The following PGBD5 variants were observed in gnomAD, a reference collection of about 807,000 sequenced individuals.
PGBD5 encodes the protein piggyBac transposable element derived 5, also known as piggyBac transposable element-derived protein 5.
A neutral mutation model predicts 47.9 loss-of-function variants in PGBD5; 14 were observed. That is an observed-to-expected ratio of 0.29 (90% CI 0.19 to 0.46). PGBD5 has a LOEUF of 0.46. Ranked by LOEUF, PGBD5 falls within the 20% of genes least tolerant of loss-of-function variation. The pLI is 1.00. For synonymous variants in PGBD5, 316 were observed against 306.3 expected (o/e 1.03, Z -0.33); for missense variants, 635 against 716.0 (o/e 0.89, Z 1.29).
intron 1 of PGBD5, among the ~76,000 whole-genome samples, chr1:230,377,068 A>C (rs1315719685): frequency 6.6e-6 from 1 of 152,232 alleles, no homozygotes; most frequent in African/African-American, 2.4e-5. Context: ...CCTTTGGTGC[A>C]GAGCAGAGGT....
At chr1:230,410,371 C>G (rs1208434832) in intron 1 of PGBD5, among the ~76,000 whole-genome samples, 1 of 152,094 alleles carries the variant, frequency 6.6e-6, no homozygotes, top group Non-Finnish European at 1.5e-5. Flanking sequence ...CCTTACTTCC[C>G]TCAAATAAGA....
At chr1:230,331,157 A>G (rs1294902953) in intron 5 of PGBD5, among the ~76,000 whole-genome samples, 1 of 152,156 alleles carries the variant, frequency 6.6e-6, no homozygotes, top group Non-Finnish European at 1.5e-5. Context: ...TCATGCCTGT[A>G]CACCCAGCAC....
intron 3 of PGBD5, among the ~76,000 whole-genome samples, chr1:230,350,262 G>C (rs1232776662): frequency 6.6e-6 from 1 of 152,202 alleles, no homozygotes; most frequent in Non-Finnish European, 1.5e-5. Context: ...CCACATTCTG[G>C]TGTGTATCTG....
At chr1:230,382,686 A>C (rs1479894537) in intron 1 of PGBD5, among the ~76,000 whole-genome samples, 1 of 152,184 alleles carries the variant, frequency 6.6e-6, no homozygotes, top group East Asian at 1.9e-4. Context: ...AACACGTGCA[A>C]GGTGTTCAGG....
Position 230,425,636 on chromosome 1 carries a change from A to T in PGBD5, c.293T>A (p.Leu98Gln). 1 of 1,220,026 alleles carries T rather than the reference A, an allele frequency of 8.2e-7. No individual in the cohort carries two copies. Among genetic ancestry groups the T allele is most frequent in the Non-Finnish European group, 1.0e-6 (1 of 980,666 alleles). The allele number at this position is 1,220,026 out of a possible 1,614,324, so 75.6% of individuals were successfully genotyped here. ...GAAGCGCGGGGGCGGGCGGTCCCGC[A>T]GCGCTGCGCTCCAGCCCGCGCCGGC... The part of the protein sequence containing the change: ...DEAGAGWSAA[L>Q]RDRPPPRFED... The change falls in exon 1 of 7, where the codon CTG (leucine) becomes CAG (glutamine). Residue 98 changes from leucine (L) to glutamine (Q), a missense_variant. By Grantham distance (113) the Leu-to-Gln change is moderately radical. Transcript: ENST00000391860. This position sits in a 1 kb window ranked among gnomAD's most constrained non-coding sequence, Gnocchi z 4.7.
At chr1:230,366,595 C>T (rs1667837561) in intron 1 of PGBD5, among the ~76,000 whole-genome samples, 2 of 152,192 alleles carry the variant, frequency 1.3e-5, no homozygotes, top group South Asian at 4.1e-4. Flanking sequence ...CAGGCTCCAA[C>T]TCCTGGATTC....
chr1:230,334,529 TGG>T (rs142967470), intron 4 of PGBD5, among the ~76,000 whole-genome samples: 1 of 152,340 alleles, frequency 6.6e-6, no homozygotes, highest in East Asian at 1.9e-4. Flanking sequence ...ATGGTCTGTG[TGG>T]CCCTAGGAGG....
At chr1:230,409,412 G>C (rs1015207795) in intron 1 of PGBD5, among the ~76,000 whole-genome samples, 4 of 152,232 alleles carry the variant, frequency 2.6e-5, no homozygotes, top group South Asian at 4.2e-4. Context: ...GTACATAAAG[G>C]TTTTGCCATT....
chr1:230,328,114 G>A (rs992333083), intron 5 of PGBD5, among the ~76,000 whole-genome samples: 3 of 152,108 alleles, frequency 2.0e-5, no homozygotes, highest in African/African-American at 4.8e-5. Flanking sequence ...CGAAGATCTC[G>A]GGGTTTCCCA....
chr1:230,353,984 C>G (rs1038998594), intron 2 of PGBD5, among the ~76,000 whole-genome samples: 2 of 152,306 alleles, frequency 1.3e-5, no homozygotes, highest in South Asian at 2.1e-4. Flanking sequence ...TGCTGGCAAC[C>G]CAGGGAACAG....
At chr1:230,355,919 C>A (rs966207121) in intron 2 of PGBD5, among the ~76,000 whole-genome samples, 1 of 152,072 alleles carries the variant, frequency 6.6e-6, no homozygotes, top group Non-Finnish European at 1.5e-5. Context: ...GCCTTCCCCA[C>A]AAAAACCCTG....
intron 1 of PGBD5, among the ~76,000 whole-genome samples, chr1:230,371,049 C>T (rs560349142): frequency 2.0e-5 from 3 of 152,266 alleles, no homozygotes; most frequent in South Asian, 2.1e-4. Context: ...CAGTCTGGTC[C>T]CTGCTCACTT....
intron 1 of PGBD5, among the ~76,000 whole-genome samples, chr1:230,409,853 T>C (rs550623446): frequency 5.0e-4 from 76 of 150,686 alleles, no homozygotes; most frequent in African/African-American, 1.6e-3. Context: ...AAAAAAAGGA[T>C]AAACAACTTG....
intron 1 of PGBD5, among the ~76,000 whole-genome samples, chr1:230,369,021 CA>C (rs769537515): frequency 5.3e-5 from 8 of 152,172 alleles, no homozygotes; most frequent in Non-Finnish European, 1.2e-4. Flanking sequence ...AGCAAATGAA[CA>C]AAAAGGAAGT....
chr1:230,369,840 C>T (rs571012557), intron 1 of PGBD5, among the ~76,000 whole-genome samples: 5 of 152,112 alleles, frequency 3.3e-5, no homozygotes, highest in African/African-American at 9.6e-5. Context: ...CTAATTATAT[C>T]CCTAGAATTC....
At chr1:230,339,648 T>TGTG (rs3045443) in intron 3 of PGBD5, among the ~76,000 whole-genome samples, 64,056 of 151,554 alleles carry the variant, frequency 0.42, 14,493 homozygotes, top group South Asian at 0.55. Flanking sequence ...ATGTGGCATA[T>TGTG]ACACAAGATG....
In PGBD5 at chr1:230,364,683, G is replaced by T. The variant is rs573137266; in HGVS notation, c.332-7362C>A. Among the ~76,000 whole-genome samples the T allele has an allele frequency of 6.6e-5, 10 of 152,378 alleles. No individual in the cohort carries two copies. In the South Asian group the frequency reaches 1.9e-3, roughly 28 times the overall value. Reference sequence around the variant, plus strand: ...AGCATCTGAGCTGAAGTTGTTCACAGGAAATATGAACCATAGAATAGTTGC... The same window carrying T: ...AGCATCTGAGCTGAAGTTGTTCACATGAAATATGAACCATAGAATAGTTGC... On this transcript the variant is annotated intron_variant, in intron 1 of 6. Transcript: ENST00000391860.
At chr1:230,367,782 T>G (rs1230564776) in intron 1 of PGBD5, among the ~76,000 whole-genome samples, 1 of 152,088 alleles carries the variant, frequency 6.6e-6, no homozygotes, top group East Asian at 1.9e-4. Flanking sequence ...AAAAAAACAC[T>G]CCGGCATACT....
At chr1:230,400,114 C>T (rs963458649) in intron 1 of PGBD5, among the ~76,000 whole-genome samples, 1 of 152,246 alleles carries the variant, frequency 6.6e-6, no homozygotes, top group Non-Finnish European at 1.5e-5. Flanking sequence ...CTCCACCCTG[C>T]AGCTCTCTGA....
Sources: allele counts gnomAD v4.1 joint callset (sites outside exome capture counted in the v4.1 genomes callset), GRCh38; gene constraint gnomAD v4.1.1; non-coding constraint Gnocchi (gnomAD v3.1); transcripts MANE v1.5; gene names NCBI Gene and HGNC (gene_info 2026-07-23, HGNC 2026-07-21).